The following RABGAP1 variants were observed in gnomAD, a reference collection of about 807,000 sequenced individuals.
The protein encoded by RABGAP1 is rab GTPase-activating protein 1.
RABGAP1 carries 23 observed loss-of-function variants against 137.6 expected under a neutral mutation model. The ratio of observed to expected loss-of-function variants is 0.17; its 90% confidence interval spans 0.12 to 0.24. RABGAP1 has a LOEUF of 0.24. Among genes scored for constraint, RABGAP1 ranks in the 10% least tolerant of loss-of-function variants. The probability of loss-of-function intolerance (pLI) is 1.00; values close to 1 mark genes in which losing one functional copy is unlikely to be tolerated. For synonymous variants in RABGAP1, 451 were observed against 450.7 expected, an observed-to-expected ratio of 1.00 and a Z score of -0.01; for missense variants, 906 against 1,275.8, an observed-to-expected ratio of 0.71 and a Z score of 4.42.
chr9:122,971,611 C>CA (rs1211091737), intron 2 of RABGAP1: 1 of 151,940 alleles, frequency 6.6e-6, no homozygotes, highest in Non-Finnish European at 1.5e-5. Context: ...AACAAAATAT[C>CA]AAAAAATGTA....
At chr9:122,992,776 A>C (rs890376819) in intron 6 of RABGAP1, among the ~76,000 whole-genome samples, 1 of 148,666 alleles carries the variant, frequency 6.7e-6, no homozygotes, top group Non-Finnish European at 1.5e-5. Context: ...AAAACCTATT[A>C]TATACTTACT....
intron 2 of RABGAP1, among the ~76,000 whole-genome samples, chr9:122,973,992 C>T (rs949387929): frequency 3.4e-5 from 5 of 148,778 alleles, no homozygotes; most frequent in Admixed American, 1.4e-4. Flanking sequence ...GGGCGACGAG[C>T]GAAACTTCGT....
intron 13 of RABGAP1, among the ~76,000 whole-genome samples, chr9:123,049,181 A>G (rs1048353499): frequency 1.4e-5 from 2 of 138,386 alleles, no homozygotes; most frequent in Non-Finnish European, 3.0e-5. Context: ...ATATAATTCT[A>G]AAGTATATGT....
rs1413438698 is a variant in RABGAP1, at chr9:123,104,096, A to G, written c.*883A>G. On this transcript the variant is annotated 3_prime_UTR_variant, in exon 26 of 26. Transcript: ENST00000373647. The stretch of plus-strand genomic sequence containing the variant: ...ATCTGCACAATTTAATTATGTGGTT[A>G]TTCGAGCACTTAATTTCACTCAAGG... 1 of 152,378 alleles carries G rather than the reference A, an allele frequency of 6.6e-6. No individual in the cohort carries two copies. The highest frequency in any genetic ancestry group is 1.9e-4 in the East Asian group (1 of 5,162). 9.4% of individuals were successfully genotyped at this position (152,378 alleles called of 1,614,324 possible). A position where few individuals can be genotyped will look rare whatever the true frequency, so the allele number is the denominator to read the frequency against.
chr9:123,000,375 A>G (rs945698356), intron 10 of RABGAP1, among the ~76,000 whole-genome samples: 4 of 151,928 alleles, frequency 2.6e-5, no homozygotes, highest in Non-Finnish European at 4.4e-5. Context: ...CAGTTGTTCT[A>G]CCACCTACTG....
At chr9:123,077,551 C>A (rs550742494) in intron 19 of RABGAP1, among the ~76,000 whole-genome samples, 11 of 151,788 alleles carry the variant, frequency 7.2e-5, no homozygotes, top group Non-Finnish European at 1.2e-4. Context: ...ATTTGTGATT[C>A]GCACAATTTT....
At chr9:123,062,903 C>T (rs1198103919) in intron 13 of RABGAP1, 1 of 152,178 alleles carries the variant, frequency 6.6e-6, no homozygotes, top group African/African-American at 2.4e-5. Flanking sequence ...ATTCTCATGC[C>T]TCAGCCTTCC....
At chr9:123,084,064 A>G (rs867609080) in intron 19 of RABGAP1, among the ~76,000 whole-genome samples, 1 of 152,216 alleles carries the variant, frequency 6.6e-6, no homozygotes, top group Non-Finnish European at 1.5e-5. Flanking sequence ...TCACCTATCT[A>G]TGATACGGTA....
chr9:123,046,609 G>A (rs969238447), intron 13 of RABGAP1, among the ~76,000 whole-genome samples: 5 of 152,200 alleles, frequency 3.3e-5, no homozygotes, highest in African/African-American at 1.2e-4. Flanking sequence ...GATTAAATGA[G>A]CTAATGCATG....
chr9:123,061,492 A>G (rs138153604), intron 13 of RABGAP1, among the ~76,000 whole-genome samples: 1 of 152,232 alleles, frequency 6.6e-6, no homozygotes, highest in East Asian at 1.9e-4. Context: ...TGGCTGCTCT[A>G]CAAGGGAAGA....
At chr9:123,099,454 G>T in intron 23 of RABGAP1, 24 bp from the exon 24 acceptor site, 1 of 1,577,758 alleles carries the variant, frequency 6.3e-7, no homozygotes, top group Non-Finnish European at 8.7e-7. Context: ...TCAAGAGATT[G>T]TTGTTTTATA....
At chr9:122,984,844 C>T in intron 3 of RABGAP1, 125 bp downstream of exon 3, 1 of 798,642 alleles carries the variant, frequency 1.3e-6, no homozygotes, top group Non-Finnish European at 2.0e-6. Flanking sequence ...CAAAAACATT[C>T]TCTAGAATCT....
chr9:123,033,620 T>A (rs2032431795), intron 13 of RABGAP1: 1 of 152,064 alleles, frequency 6.6e-6, no homozygotes, highest in Admixed American at 6.6e-5. Flanking sequence ...TCCTACTCCT[T>A]TATCTCCTCC....
At chr9:123,061,591 C>T (rs1401494404) in intron 13 of RABGAP1, among the ~76,000 whole-genome samples, 1 of 152,182 alleles carries the variant, frequency 6.6e-6, no homozygotes, top group East Asian at 1.9e-4. Flanking sequence ...GGCAATAGTG[C>T]ATAATCCTAT....
intron 1 of RABGAP1, chr9:122,946,114 A>G (rs918086632): frequency 5.3e-5 from 8 of 152,200 alleles, no homozygotes; most frequent in Non-Finnish European, 1.0e-4. Flanking sequence ...TATTTTAACT[A>G]TCATGAAGGA....
In RABGAP1 at chr9:123,099,776, A is replaced by G. The variant is rs562697786; in HGVS notation, c.2889+227A>G. Among the ~76,000 whole-genome samples, 26 of 152,334 alleles carry G rather than the reference A, an allele frequency of 1.7e-4. No individual in the cohort carries two copies. In the South Asian group the frequency reaches 5.0e-3, roughly 29 times the overall value. On this transcript the variant is annotated intron_variant, in intron 24 of 25. Coordinates refer to ENST00000373647, the MANE Select transcript of RABGAP1 (RefSeq NM_012197.4). The stretch of plus-strand genomic sequence containing the variant: ...GCTCTAGCTTTAGATCTCAAAGTGC[A>G]AGTGCCCCATGATTTCCAAATGTCT...
chr9:123,023,943 G>T lies in RABGAP1; in HGVS notation c.1794+3484G>T, dbSNP rs549194271. ...AGGAAAGAGTGACTTGATTTATAGA[G>T]TGAAGATCAAAAAAATTAACCTGGC... On this transcript the variant is annotated intron_variant, in intron 13 of 25. Transcript: ENST00000373647. Among the ~76,000 whole-genome samples, 24 of 152,020 alleles carry T rather than the reference G, an allele frequency of 1.6e-4. No homozygotes were observed. In the South Asian group the frequency reaches 4.6e-3, roughly 29 times the overall value.
intron 10 of RABGAP1, among the ~76,000 whole-genome samples, chr9:123,004,419 C>T (rs1231559192): frequency 1.3e-5 from 2 of 152,002 alleles, no homozygotes; most frequent in Non-Finnish European, 2.9e-5. Flanking sequence ...TCCCAAGTAG[C>T]TGGGATCAAG....
chr9:122,949,245 G>C (rs981566114), intron 1 of RABGAP1, among the ~76,000 whole-genome samples: 1 of 152,090 alleles, frequency 6.6e-6, no homozygotes, highest in Non-Finnish European at 1.5e-5. Context: ...GGCTGCGGTG[G>C]CTCACACCTG....
Sources: gnomAD v4.1 joint callset for allele counts (sites outside exome capture counted in the v4.1 genomes callset) on GRCh38, gnomAD v4.1.1 for gene constraint, MANE v1.5 for transcripts, NCBI Gene and HGNC (gene_info 2026-07-23, HGNC 2026-07-21) for gene names.